Variants in DOCK3 observed in about 807,000 individuals in gnomAD.
DOCK3 encodes dedicator of cytokinesis protein 3.
DOCK3 carries 60 observed loss-of-function variants against 265.6 expected under a neutral mutation model. That is an observed-to-expected ratio of 0.23 (90% CI 0.18 to 0.28). The LOEUF (loss-of-function observed/expected upper bound fraction) is 0.28. Among genes scored for constraint, DOCK3 ranks in the 10% least tolerant of loss-of-function variants. DOCK3 has a pLI of 1.00. For synonymous variants in DOCK3, 881 were observed against 938.0 expected (o/e 0.94, Z 1.11); for missense variants, 1,981 against 2,594.3 (o/e 0.76, Z 5.14).
At chr3:50,978,540 C>T (rs997430797) in intron 5 of DOCK3, among the ~76,000 whole-genome samples, 4 of 152,192 alleles carry the variant, frequency 2.6e-5, no homozygotes, top group African/African-American at 7.2e-5. Context: ...AACCACTGCT[C>T]TCTTCAAAGC....
intron 14 of DOCK3, among the ~76,000 whole-genome samples, chr3:51,217,047 T>C (rs1274666514): frequency 6.6e-6 from 1 of 152,164 alleles, no homozygotes; most frequent in Non-Finnish European, 1.5e-5. Context: ...GATAGCATGA[T>C]AAGTCTGAGA....
intron 6 of DOCK3, 82 bp from the exon 7 acceptor site, chr3:51,075,274 C>A: frequency 8.9e-7 from 1 of 1,124,874 alleles, no homozygotes; most frequent in Non-Finnish European, 1.3e-6. Context: ...CAAGATGTGG[C>A]AGGTATGGGT....
At chr3:51,380,012 A>AGG in intron 51 of DOCK3, 113 bp from the exon 52 acceptor site, 1 of 917,766 alleles carries the variant, frequency 1.1e-6, no homozygotes, top group South Asian at 1.8e-5. Flanking sequence ...CTCAATGCTG[A>AGG]GGGGTCCCCA....
At chr3:51,190,938 C>G (rs1346337347) in intron 12 of DOCK3, among the ~76,000 whole-genome samples, 1 of 152,110 alleles carries the variant, frequency 6.6e-6, no homozygotes, top group African/African-American at 2.4e-5. Context: ...AGGTAATGTT[C>G]CATGGAGGAA....
chr3:50,685,985 T>G (rs2034769990), intron 1 of DOCK3, among the ~76,000 whole-genome samples: 1 of 152,170 alleles, frequency 6.6e-6, no homozygotes, highest in African/African-American at 2.4e-5. Context: ...GGGACTGGTT[T>G]TGTGGAAGGT....
At chr3:50,852,367 G>A (rs1246249908) in intron 3 of DOCK3, among the ~76,000 whole-genome samples, 5 of 152,006 alleles carry the variant, frequency 3.3e-5, no homozygotes, top group Non-Finnish European at 5.9e-5. Flanking sequence ...TGTAGCCTGC[G>A]TTTTTGTTTT....
intron 2 of DOCK3, among the ~76,000 whole-genome samples, chr3:50,793,048 T>C (rs958106351): frequency 3.2e-4 from 48 of 152,184 alleles, no homozygotes; most frequent in African/African-American, 1.1e-3. Context: ...TTGGCCTCTT[T>C]TGGTTGGTTG....
At chr3:51,246,433 C>T (rs534889621) in intron 21 of DOCK3, among the ~76,000 whole-genome samples, 27 of 151,948 alleles carry the variant, frequency 1.8e-4, no homozygotes, top group Admixed American at 5.2e-4. Context: ...AAGGTTTCGC[C>T]ATGTTCCCCA....
chr3:50,730,068 G>A (rs941566397), intron 1 of DOCK3, among the ~76,000 whole-genome samples: 5 of 151,800 alleles, frequency 3.3e-5, no homozygotes, highest in African/African-American at 9.7e-5. Flanking sequence ...AGTTCCAGAT[G>A]GTTTCACTTG....
chr3:50,771,586 T>C (rs2041278341), intron 1 of DOCK3, among the ~76,000 whole-genome samples: 1 of 152,142 alleles, frequency 6.6e-6, no homozygotes, highest in African/African-American at 2.4e-5. Context: ...GTGTGGTGGC[T>C]CACACCTGTA....
chr3:51,348,381 TA>T (rs1247589384), intron 38 of DOCK3, among the ~76,000 whole-genome samples: 1 of 152,244 alleles, frequency 6.6e-6, no homozygotes, highest in Non-Finnish European at 1.5e-5. Flanking sequence ...TATCTTAATC[TA>T]AAAATTAGTG....
chr3:51,144,718 G>T (rs2085219210), intron 9 of DOCK3, among the ~76,000 whole-genome samples: 1 of 152,132 alleles, frequency 6.6e-6, no homozygotes. Flanking sequence ...AGCTGTATGA[G>T]GAAAAAGTAC....
intron 5 of DOCK3, among the ~76,000 whole-genome samples, chr3:50,980,689 G>C (rs2077658124): frequency 1.3e-5 from 2 of 151,970 alleles, no homozygotes. Context: ...AATCTTGGTA[G>C]GTTGTATATG....
intron 5 of DOCK3, among the ~76,000 whole-genome samples, chr3:50,973,049 C>CTTTGTTTTTTTTTTTTTT: frequency 5.3e-5 from 1 of 19,012 alleles, no homozygotes; most frequent in Non-Finnish European, 8.6e-5. Context: ...CAGTGTGTTT[C>CTTTGTTTTTTTTTTTTTT]TTTTTTTTTT....
At chr3:51,012,171 G>A (rs2078978410) in intron 5 of DOCK3, among the ~76,000 whole-genome samples, 1 of 152,174 alleles carries the variant, frequency 6.6e-6, no homozygotes, top group African/African-American at 2.4e-5. Flanking sequence ...GGACATTTAA[G>A]TCTGCAGAGG....
chr3:50,946,607 A>G (rs2076435539), intron 5 of DOCK3, among the ~76,000 whole-genome samples: 1 of 152,204 alleles, frequency 6.6e-6, no homozygotes, highest in South Asian at 2.1e-4. Flanking sequence ...AAAAGTATTC[A>G]TCTTTCCTGA....
intron 12 of DOCK3, among the ~76,000 whole-genome samples, chr3:51,202,616 T>A (rs2088869694): frequency 1.3e-5 from 2 of 152,140 alleles, no homozygotes; most frequent in Non-Finnish European, 1.5e-5. Flanking sequence ...CCATTCCTTC[T>A]GAAACTATTC....
intron 21 of DOCK3, among the ~76,000 whole-genome samples, chr3:51,245,581 TG>T (rs1312411516): frequency 1.3e-5 from 2 of 151,756 alleles, no homozygotes; most frequent in African/African-American, 4.8e-5. Context: ...TTAGTAGAGA[TG>T]GGGTTTCACT....
intron 5 of DOCK3, among the ~76,000 whole-genome samples, chr3:50,945,359 C>G (rs1440457381): frequency 6.6e-6 from 1 of 151,816 alleles, no homozygotes; most frequent in Non-Finnish European, 1.5e-5. Flanking sequence ...TAATATAATA[C>G]TTTAGTATTT....
Sources: allele counts gnomAD v4.1 joint callset (sites outside exome capture counted in the v4.1 genomes callset), GRCh38; gene constraint gnomAD v4.1.1; transcripts MANE v1.5; gene names NCBI Gene and HGNC (gene_info 2026-07-23, HGNC 2026-07-21).